Variants in SCAF8 observed in about 807,000 individuals in gnomAD.
SCAF8 encodes SR-related and CTD-associated factor 8.
A neutral mutation model predicts 140.5 loss-of-function variants in SCAF8; 23 were observed. That is an observed-to-expected ratio of 0.16 (90% CI 0.12 to 0.23). The LOEUF (loss-of-function observed/expected upper bound fraction) is 0.23. Among genes scored for constraint, SCAF8 ranks in the 10% least tolerant of loss-of-function variants. SCAF8 has a pLI of 1.00. For missense variants in SCAF8, 1,397 were observed against 1,555.7 expected (o/e 0.90, Z 1.72); for synonymous variants, 575 against 528.9 (o/e 1.09, Z -1.20).
At chr6:154,797,587 G>C (rs1777643385) in intron 6 of SCAF8, among the ~76,000 whole-genome samples, 1 of 151,170 alleles carries the variant, frequency 6.6e-6, no homozygotes, top group Non-Finnish European at 1.5e-5. Context: ...GTAGAGACAG[G>C]GTTTCACCGT....
At chr6:154,742,103 T>C in intron 1 of SCAF8, 1 of 875,156 alleles carries the variant, frequency 1.1e-6, no homozygotes, top group African/African-American at 1.7e-5. Context: ...TTTGATTATA[T>C]GGTTAGTACT....
At chr6:154,830,181 T>C (rs569782022) in intron 18 of SCAF8, among the ~76,000 whole-genome samples, 10 of 152,360 alleles carry the variant, frequency 6.6e-5, no homozygotes, top group Non-Finnish European at 1.5e-4. Flanking sequence ...TTCTTGTGCA[T>C]GACCACAGGT....
intron 1 of SCAF8, among the ~76,000 whole-genome samples, chr6:154,756,218 T>G (rs1271098810): frequency 1.3e-5 from 2 of 152,202 alleles, no homozygotes; most frequent in Non-Finnish European, 2.9e-5. Context: ...GAGGAGAGAA[T>G]AACAAAGATG....
At position 154,795,119 on chromosome 6, in the gene SCAF8, C is replaced by A; in HGVS notation, c.586C>A (p.Gln196Lys). 1 of 1,609,258 alleles carries A rather than the reference C, an allele frequency of 6.2e-7. No homozygotes were observed. The highest frequency in any genetic ancestry group is 1.1e-5 in the South Asian group (1 of 90,156). ...ACTTGCGGCTGTAGCTCAGATCTTG[C>A]AAAGTCCTCAAGGCCAGCAGGTGAG... ...DTLAAVAQIL[Q>K]SPQGQQLQQL... The change falls in exon 6 of 20, where the codon CAA becomes AAA. Residue 196 changes from glutamine (Q) to lysine (K), a missense_variant. Gln to Lys is a moderately conservative substitution (Grantham distance 53). Around this residue, in one of 5 missense-constraint regions of SCAF8, gnomAD observed 339 missense variants for 407.5 expected, o/e 0.83. Transcript: ENST00000367178.
chr6:154,818,739 T>C, intron 14 of SCAF8, 147 bp downstream of exon 14: 1 of 407,276 alleles, frequency 2.5e-6, no homozygotes, highest in South Asian at 6.7e-5. Flanking sequence ...TTTTTAAATG[T>C]TATGGACAAA....
chr6:154,819,038 A>G (rs1346599343), intron 14 of SCAF8, among the ~76,000 whole-genome samples: 1 of 152,036 alleles, frequency 6.6e-6, no homozygotes, highest in Non-Finnish European at 1.5e-5. Flanking sequence ...TGAAGAGATT[A>G]TCTATCAGAA....
intron 17 of SCAF8, among the ~76,000 whole-genome samples, chr6:154,826,784 A>G (rs964418112): frequency 2.0e-5 from 3 of 152,230 alleles, no homozygotes; most frequent in African/African-American, 4.8e-5. Context: ...TGCTTAAAAC[A>G]TAATATAGTG....
chr6:154,796,253 G>C (rs974056827), intron 6 of SCAF8, among the ~76,000 whole-genome samples: 7 of 152,024 alleles, frequency 4.6e-5, no homozygotes, highest in Admixed American at 1.3e-4. Flanking sequence ...CTAGATGATA[G>C]TGTTTTATGA....
At chr6:154,752,956 G>A (rs1008944133) in intron 1 of SCAF8, among the ~76,000 whole-genome samples, 2 of 152,000 alleles carry the variant, frequency 1.3e-5, no homozygotes, top group African/African-American at 4.8e-5. Context: ...AATCCAGCAA[G>A]GCTTTCAAGA....
In SCAF8 at chr6:154,762,311, C is replaced by T. The variant is rs934153163; in HGVS notation, c.31-11678C>T. 8.5e-5 allele frequency among the ~76,000 whole-genome samples: 13 copies of T among 152,278 alleles called. No individual in the cohort carries two copies. The East Asian group carries it at 2.1e-3, about 25-fold the overall frequency. On this transcript the variant is annotated intron_variant, in intron 1 of 19. Transcript: ENST00000367178. ...AGGGCTGGGCTCCCATTTGAAACTT[C>T]GGGCCCTCTTCCAAATTCATTCAGG...
At chr6:154,794,628 A>G (rs72993446) in intron 5 of SCAF8, among the ~76,000 whole-genome samples, 44 of 152,038 alleles carry the variant, frequency 2.9e-4, no homozygotes, top group African/African-American at 9.6e-4. Flanking sequence ...AACATAGCAT[A>G]TATAGGGTTT....
intron 12 of SCAF8, among the ~76,000 whole-genome samples, chr6:154,813,134 G>A (rs1778145252): frequency 6.6e-6 from 1 of 152,110 alleles, no homozygotes; most frequent in African/African-American, 2.4e-5. Flanking sequence ...GTGCCTAGGA[G>A]GTTGAGAAGC....
chr6:154,751,604 A>G (rs1273909547), intron 1 of SCAF8, among the ~76,000 whole-genome samples: 1 of 152,168 alleles, frequency 6.6e-6, no homozygotes, highest in Non-Finnish European at 1.5e-5. Context: ...TTCAGAAATG[A>G]TTAAACTTGT....
chr6:154,818,418 A>G lies in SCAF8; in HGVS notation c.1522-61A>G, dbSNP rs1357381625. ...GTCAATGTTTTGTGTCATTTAAACCATAAAATACCAGAATGAGTTTCTGTT... is the reference window on the plus strand; with the variant it reads ...GTCAATGTTTTGTGTCATTTAAACCGTAAAATACCAGAATGAGTTTCTGTT... On this transcript the variant is annotated intron_variant, in intron 13 of 19. Transcript: ENST00000367178. 8.4e-6 allele frequency: 7 copies of G among 836,640 alleles called. No homozygotes were observed. The South Asian group carries it at 1.1e-4, about 13-fold the overall frequency. The allele number at this position is 836,640 out of a possible 1,614,324, so 51.8% of individuals were successfully genotyped here.
chr6:154,775,971 CCTTGATACATA>C (rs1361680791), intron 2 of SCAF8, among the ~76,000 whole-genome samples: 11 of 152,126 alleles, frequency 7.2e-5, no homozygotes, highest in African/African-American at 2.6e-4. Flanking sequence ...AACACTTAAT[CCTTGATACATA>C]CTTGAATTTG....
intron 3 of SCAF8, among the ~76,000 whole-genome samples, chr6:154,781,026 C>T (rs1360523165): frequency 6.6e-6 from 1 of 152,054 alleles, no homozygotes; most frequent in African/African-American, 2.4e-5. Flanking sequence ...ACAGCCTCAC[C>T]AGCATCGGTT....
At chr6:154,784,204 C>CT (rs1029279788) in intron 3 of SCAF8, among the ~76,000 whole-genome samples, 2 of 140,412 alleles carry the variant, frequency 1.4e-5, no homozygotes, top group African/African-American at 5.2e-5. Context: ...TGTAACTGGA[C>CT]TTTTATCATG....
intron 1 of SCAF8, among the ~76,000 whole-genome samples, chr6:154,771,654 A>C (rs909291287): frequency 6.6e-6 from 1 of 152,190 alleles, no homozygotes; most frequent in African/African-American, 2.4e-5. Flanking sequence ...AGAAAACCAA[A>C]TGCATGTTCT....
intron 13 of SCAF8, among the ~76,000 whole-genome samples, 168 bp downstream of exon 13, chr6:154,815,984 C>A (rs1480326028): frequency 1.3e-5 from 2 of 152,130 alleles, no homozygotes; most frequent in African/African-American, 4.8e-5. Context: ...GGTGCTGTTT[C>A]TCTCCTTAAT....
Sources: allele counts gnomAD v4.1 joint callset (sites outside exome capture counted in the v4.1 genomes callset), GRCh38; gene constraint gnomAD v4.1.1; regional missense constraint gnomAD v4.1.1; transcripts MANE v1.5; gene names NCBI Gene and HGNC (gene_info 2026-07-23, HGNC 2026-07-21).